Variants in CTNNA3 observed in about 807,000 individuals in gnomAD.
The protein encoded by CTNNA3 is catenin alpha 3, also known as catenin alpha-3.
CTNNA3 carries 76 observed loss-of-function variants against 95.7 expected under a neutral mutation model. The observed-to-expected ratio is 0.79, with a 90% confidence interval of 0.66 to 0.96. The LOEUF is 0.96. Ranked by LOEUF, CTNNA3 falls within the 40% of genes least tolerant of loss-of-function variation. The pLI, the probability that CTNNA3 is intolerant of heterozygous loss-of-function variation, is 0.00. For synonymous variants in CTNNA3, 431 were observed against 374.4 expected, an observed-to-expected ratio of 1.15 and a Z score of -1.74; for missense variants, 1,191 against 1,089.8, an observed-to-expected ratio of 1.09 and a Z score of -1.31.
At chr10:67,182,824 A>G (rs2132146844) in intron 6 of CTNNA3, among the ~76,000 whole-genome samples, 1 of 152,290 alleles carries the variant, frequency 6.6e-6, no homozygotes, top group East Asian at 1.9e-4. Flanking sequence ...TCTACAATGA[A>G]CTCCAACACA....
intron 7 of CTNNA3, among the ~76,000 whole-genome samples, chr10:66,778,586 G>T (rs988785766): frequency 2.0e-5 from 3 of 152,060 alleles, no homozygotes; most frequent in African/African-American, 7.2e-5. Context: ...GGAGTGTCAG[G>T]CAGATAGACA....
chr10:66,810,536 A>G (rs1841833900), intron 7 of CTNNA3, among the ~76,000 whole-genome samples: 1 of 152,156 alleles, frequency 6.6e-6, no homozygotes, highest in African/African-American at 2.4e-5. Context: ...CAATATCTCT[A>G]TCTCTTTGCC....
chr10:66,452,224 T>G (rs556238910), intron 11 of CTNNA3, among the ~76,000 whole-genome samples: 1 of 152,344 alleles, frequency 6.6e-6, no homozygotes, highest in Admixed American at 6.5e-5. Flanking sequence ...ATTCTTTATA[T>G]TCTATTCATA....
At chr10:65,959,824 C>A (rs1434792152) in intron 17 of CTNNA3, among the ~76,000 whole-genome samples, 1 of 152,130 alleles carries the variant, frequency 6.6e-6, no homozygotes, top group East Asian at 1.9e-4. Context: ...CAACTCCCCT[C>A]TTTATTTGAT....
chr10:66,902,080 T>A (rs923428406), intron 7 of CTNNA3, among the ~76,000 whole-genome samples: 4 of 152,158 alleles, frequency 2.6e-5, no homozygotes, highest in African/African-American at 9.7e-5. Context: ...CAATATACAT[T>A]CTTCTCAGCA....
chr10:66,302,486 CTG>C (rs1203775837), intron 12 of CTNNA3, among the ~76,000 whole-genome samples: 3 of 152,132 alleles, frequency 2.0e-5, no homozygotes, highest in African/African-American at 4.8e-5. Flanking sequence ...GTAAAAGAAA[CTG>C]TGAAAAGTTG....
At chr10:67,196,776 A>C in intron 6 of CTNNA3, among the ~76,000 whole-genome samples, 1 of 152,176 alleles carries the variant, frequency 6.6e-6, no homozygotes, top group Admixed American at 6.6e-5. Context: ...TAGTAACATA[A>C]GCACCTCCAG....
chr10:66,050,003 G>A (rs1478914161), intron 15 of CTNNA3, among the ~76,000 whole-genome samples: 5 of 152,002 alleles, frequency 3.3e-5, no homozygotes, highest in Non-Finnish European at 5.9e-5. Context: ...AGAGAGAAAT[G>A]TTTAACAATT....
intron 7 of CTNNA3, among the ~76,000 whole-genome samples, chr10:67,082,976 A>G (rs753105909): frequency 3.9e-5 from 6 of 152,160 alleles, no homozygotes; most frequent in Non-Finnish European, 8.8e-5. Context: ...TGAACCAGAC[A>G]GGCATTTCTG....
chr10:66,621,226 C>CTTTG (rs939965687), intron 10 of CTNNA3, among the ~76,000 whole-genome samples: 13 of 152,208 alleles, frequency 8.5e-5, no homozygotes, highest in African/African-American at 3.1e-4. Flanking sequence ...GACAAAGCAC[C>CTTTG]TTTGCCTCAG....
At chr10:65,956,875 G>T (rs539377907) in intron 17 of CTNNA3, among the ~76,000 whole-genome samples, 47 of 152,272 alleles carry the variant, frequency 3.1e-4, no homozygotes, top group Admixed American at 3.1e-3. Context: ...TTGATTTGGG[G>T]TGGAGAGTTC....
At chr10:66,845,729 A>AAAAAAAAAAAAAAAAAAAAAAAAC (rs1297933220) in intron 7 of CTNNA3, among the ~76,000 whole-genome samples, 2 of 87,736 alleles carry the variant, frequency 2.3e-5, no homozygotes, top group Admixed American at 1.3e-4. Context: ...AAAAAAAAAA[A>AAAAAAAAAAAAAAAAAAAAAAAAC]CTAAAAAGGT....
intron 3 of CTNNA3, among the ~76,000 whole-genome samples, chr10:67,566,588 T>A (rs1841812247): frequency 6.6e-6 from 1 of 152,086 alleles, no homozygotes; most frequent in African/African-American, 2.4e-5. Context: ...GTAAACTAGT[T>A]CAACCATTGT....
At chr10:67,510,503 T>C (rs2133127567) in intron 5 of CTNNA3, among the ~76,000 whole-genome samples, 1 of 151,812 alleles carries the variant, frequency 6.6e-6, no homozygotes, top group South Asian at 2.1e-4. Context: ...CAGATGGTTG[T>C]AGATGTGTGG....
At chr10:66,668,422 A>ATGTGTGTGTGTG (rs3055580) in intron 9 of CTNNA3, among the ~76,000 whole-genome samples, 3 of 146,914 alleles carry the variant, frequency 2.0e-5, no homozygotes, top group African/African-American at 7.6e-5. Context: ...CAACTCTCAT[A>ATGTGTGTGTGTG]TGTGTGTGTG....
chr10:67,759,639 G>A (rs1303344346), intron 1 of CTNNA3, among the ~76,000 whole-genome samples: 4 of 152,150 alleles, frequency 2.6e-5, no homozygotes, highest in Non-Finnish European at 2.9e-5. Context: ...TGCAGGACTT[G>A]TGAATATAAT....
intron 1 of CTNNA3, among the ~76,000 whole-genome samples, chr10:67,673,396 T>C (rs1318886863): frequency 1.3e-5 from 2 of 150,716 alleles, no homozygotes; most frequent in Non-Finnish European, 3.0e-5. Flanking sequence ...TCCAACACTA[T>C]GTTGAATAGG....
At chr10:66,674,326 A>C (rs1210108068) in intron 9 of CTNNA3, among the ~76,000 whole-genome samples, 1 of 151,920 alleles carries the variant, frequency 6.6e-6, no homozygotes, top group Non-Finnish European at 1.5e-5. Flanking sequence ...TCTTCAAAAC[A>C]ATGGTCATCT....
chr10:66,746,440 G>A (rs181750876), intron 9 of CTNNA3, among the ~76,000 whole-genome samples: 174 of 152,246 alleles, frequency 1.1e-3, no homozygotes, highest in Non-Finnish European at 1.8e-3. Flanking sequence ...ATATCTAACT[G>A]AGATAAAGCC....
Sources: gnomAD v4.1 joint callset for allele counts (sites outside exome capture counted in the v4.1 genomes callset) on GRCh38, gnomAD v4.1.1 for gene constraint, MANE v1.5 for transcripts, NCBI Gene and HGNC (gene_info 2026-07-23, HGNC 2026-07-21) for gene names.